Variants in HPSE2 observed in about 807,000 individuals in gnomAD.
HPSE2 encodes the protein heparanase 2 (inactive), also known as inactive heparanase-2.
Under a neutral mutation model 60.5 loss-of-function variants are expected in HPSE2, and 38 were observed. The ratio of observed to expected loss-of-function variants is 0.63; its 90% CI spans 0.48 to 0.82. The LOEUF is 0.82. Ranked by LOEUF, HPSE2 falls within the 40% of genes least tolerant of loss-of-function variation. HPSE2 has a pLI of 0.00. For missense variants in HPSE2, 713 were observed against 740.4 expected (o/e 0.96, Z 0.43); for synonymous variants, 295 against 293.2 (o/e 1.01, Z -0.06).
At chr10:98,697,524 A>G (rs1948259764) in intron 5 of HPSE2, among the ~76,000 whole-genome samples, 1 of 152,208 alleles carries the variant, frequency 6.6e-6, no homozygotes, top group Admixed American at 6.5e-5. Flanking sequence ...GACCAAACAT[A>G]TGACTGACTG....
intron 9 of HPSE2, among the ~76,000 whole-genome samples, chr10:98,579,150 C>A (rs1944721809): frequency 6.6e-6 from 1 of 152,076 alleles, no homozygotes. Flanking sequence ...TTAAAAGACC[C>A]AGAATTGCAT....
At chr10:98,873,130 G>A (rs1272283740) in intron 3 of HPSE2, among the ~76,000 whole-genome samples, 1 of 152,038 alleles carries the variant, frequency 6.6e-6, no homozygotes, top group Non-Finnish European at 1.5e-5. Flanking sequence ...ATAATTTTAT[G>A]TGGTATATGA....
intron 6 of HPSE2, among the ~76,000 whole-genome samples, chr10:98,663,107 G>A (rs1274958421): frequency 2.0e-5 from 3 of 152,094 alleles, no homozygotes; most frequent in East Asian, 3.9e-4. Context: ...GCCATTCCAC[G>A]AAAACACAAA....
chr10:98,984,922 G>A (rs1037930994), intron 3 of HPSE2, among the ~76,000 whole-genome samples: 20 of 152,110 alleles, frequency 1.3e-4, no homozygotes, highest in South Asian at 4.1e-4. Context: ...GAAATGAAGC[G>A]AGAAGGGAAG....
intron 6 of HPSE2, among the ~76,000 whole-genome samples, chr10:98,679,211 A>G (rs1419113009): frequency 1.3e-5 from 2 of 152,200 alleles, no homozygotes; most frequent in African/African-American, 4.8e-5. Context: ...ATGAAAGGCA[A>G]TTAGACCTGC....
intron 3 of HPSE2, among the ~76,000 whole-genome samples, chr10:99,011,779 C>G (rs979059674): frequency 3.5e-5 from 5 of 143,722 alleles, no homozygotes; most frequent in Non-Finnish European, 6.0e-5. Context: ...AAAAAATGCT[C>G]TAAGCAAGCA....
intron 3 of HPSE2, among the ~76,000 whole-genome samples, chr10:98,982,858 C>T (rs1439983633): frequency 6.6e-6 from 1 of 152,132 alleles, no homozygotes; most frequent in African/African-American, 2.4e-5. Context: ...AGTCAAGTCT[C>T]GAGTTTGAAC....
At chr10:98,727,951 A>C (rs1949132111) in intron 4 of HPSE2, among the ~76,000 whole-genome samples, 1 of 152,172 alleles carries the variant, frequency 6.6e-6, no homozygotes, top group Non-Finnish European at 1.5e-5. Flanking sequence ...TTCCATATGC[A>C]GCAAACTATC....
At chr10:98,595,758 G>A (rs1279061458) in intron 9 of HPSE2, among the ~76,000 whole-genome samples, 1 of 152,150 alleles carries the variant, frequency 6.6e-6, no homozygotes, top group African/African-American at 2.4e-5. Flanking sequence ...AATGGTGAGA[G>A]TGGACATTCT....
Position 99,173,843 on chromosome 10 carries a change from T to C in HPSE2, c.449-29444A>G, listed in dbSNP as rs559013077. ...CAGTGGTCCCAGCTACTCAGGAGGC[T>C]GAGGCAGGAGAATAGCTTGAACTCG... On this transcript the variant is annotated intron_variant, in intron 2 of 11. Transcript: ENST00000370552. Among the ~76,000 whole-genome samples the C allele has an allele frequency of 8.0e-5, 12 of 149,196 alleles. No homozygotes were observed. The Admixed American group carries it at 8.1e-4, about 10-fold the overall frequency.
intron 3 of HPSE2, among the ~76,000 whole-genome samples, chr10:98,838,252 T>C (rs966488041): frequency 3.9e-5 from 6 of 152,142 alleles, no homozygotes; most frequent in African/African-American, 1.4e-4. Flanking sequence ...CAAATTAATT[T>C]ATCTCTTTGA....
intron 6 of HPSE2, among the ~76,000 whole-genome samples, chr10:98,690,995 T>C (rs1948064209): frequency 6.6e-6 from 1 of 152,230 alleles, no homozygotes; most frequent in Non-Finnish European, 1.5e-5. Context: ...TGGCCATCCA[T>C]ATGTAGTGAC....
chr10:98,668,497 T>C (rs570663200), intron 6 of HPSE2, among the ~76,000 whole-genome samples: 1 of 152,212 alleles, frequency 6.6e-6, no homozygotes, highest in Admixed American at 6.5e-5. Context: ...GACATAATGT[T>C]ACCCAACTTC....
chr10:98,466,233 A>T (rs918107099), intron 11 of HPSE2, among the ~76,000 whole-genome samples: 2 of 152,202 alleles, frequency 1.3e-5, no homozygotes, highest in African/African-American at 4.8e-5. Flanking sequence ...TATGTGTTTT[A>T]TCAGGAGCAG....
At chr10:98,992,757 T>A (rs1378366412) in intron 3 of HPSE2, among the ~76,000 whole-genome samples, 1 of 152,218 alleles carries the variant, frequency 6.6e-6, no homozygotes, top group East Asian at 1.9e-4. Context: ...ATGGTAGCCA[T>A]GTGTACAGTA....
chr10:99,097,307 G>T (rs1843752388), intron 3 of HPSE2, among the ~76,000 whole-genome samples: 1 of 152,136 alleles, frequency 6.6e-6, no homozygotes, highest in South Asian at 2.1e-4. Context: ...TTTGGTTTAA[G>T]AACTTTTATA....
the HPSE2 span, among the ~76,000 whole-genome samples, chr10:99,305,953 TCACACACACGCGCGCGCGCGCGCGCG>T: frequency 1.7e-3 from 42 of 24,810 alleles, 1 homozygote; most frequent in Non-Finnish European, 3.0e-3. Flanking sequence ...ATATCCAAAC[TCACACACACGCGCGCGCGCGCGCGCG>T]CACACACACA....
At chr10:98,713,368 C>A (rs566608551) in intron 5 of HPSE2, among the ~76,000 whole-genome samples, 29 of 151,906 alleles carry the variant, frequency 1.9e-4, no homozygotes, top group Non-Finnish European at 3.7e-4. Context: ...AGGAGGGGAA[C>A]AAGATGCACG....
At chr10:99,187,926 A>G (rs1400747405) in intron 2 of HPSE2, among the ~76,000 whole-genome samples, 2 of 152,214 alleles carry the variant, frequency 1.3e-5, no homozygotes, top group African/African-American at 4.8e-5. Context: ...GTCCATGAAA[A>G]GATATAAATC....
Sources: allele counts gnomAD v4.1 joint callset (sites outside exome capture counted in the v4.1 genomes callset), GRCh38; gene constraint gnomAD v4.1.1; transcripts MANE v1.5; gene names NCBI Gene and HGNC (gene_info 2026-07-23, HGNC 2026-07-21).